The following PIP5K1B variants were observed in gnomAD, a reference collection of about 807,000 sequenced individuals.
PIP5K1B encodes phosphatidylinositol-4-phosphate 5-kinase type 1 beta.
PIP5K1B carries 42 observed loss-of-function variants against 67.0 expected under a neutral mutation model. The observed-to-expected ratio is 0.63, with a 90% CI of 0.49 to 0.81. PIP5K1B has a LOEUF of 0.81. Ranked by LOEUF, PIP5K1B falls within the 30% of genes least tolerant of loss-of-function variation. The probability of loss-of-function intolerance (pLI) is 0.00; values close to 1 mark genes in which losing one functional copy is unlikely to be tolerated. For synonymous variants in PIP5K1B, 214 were observed against 231.4 expected, an observed-to-expected ratio of 0.92 and a Z score of 0.68; for missense variants, 459 against 646.3, an observed-to-expected ratio of 0.71 and a Z score of 3.14.
chr9:68,920,340 G>A, intron 11 of PIP5K1B, among the ~76,000 whole-genome samples: 1 of 146,036 alleles, frequency 6.8e-6, no homozygotes, highest in African/African-American at 2.5e-5. Context: ...ATTTATACAT[G>A]CTGGCTGCCT....
intron 14 of PIP5K1B, among the ~76,000 whole-genome samples, chr9:68,951,381 C>T (rs767115182): frequency 6.6e-6 from 1 of 152,156 alleles, no homozygotes; most frequent in Admixed American, 6.5e-5. Context: ...AAGAATGGTT[C>T]AGACTAAGCA....
intron 1 of PIP5K1B, among the ~76,000 whole-genome samples, chr9:68,730,604 T>C (rs577261068): frequency 6.6e-6 from 1 of 152,210 alleles, no homozygotes; most frequent in Non-Finnish European, 1.5e-5. Context: ...TTAACAGATA[T>C]CACACTTTGA....
chr9:68,738,237 C>T (rs940751046), intron 1 of PIP5K1B, among the ~76,000 whole-genome samples: 1 of 152,166 alleles, frequency 6.6e-6, no homozygotes, highest in Non-Finnish European at 1.5e-5. Flanking sequence ...CAACTAGGTA[C>T]ATTTAACAGA....
chr9:68,728,991 G>A (rs966088783), intron 1 of PIP5K1B: 1 of 152,198 alleles, frequency 6.6e-6, no homozygotes, highest in African/African-American at 2.4e-5. Context: ...AATGGTGATT[G>A]TGAGCCAGGA....
At chr9:68,754,761 GAT>G (rs1222937722) in intron 2 of PIP5K1B, among the ~76,000 whole-genome samples, 2 of 152,134 alleles carry the variant, frequency 1.3e-5, no homozygotes, top group African/African-American at 2.4e-5. Context: ...CTTCTAGAAA[GAT>G]ATTAAAATAA....
At chr9:69,005,569 T>A (rs1445181741) in intron 15 of PIP5K1B, among the ~76,000 whole-genome samples, 1 of 151,616 alleles carries the variant, frequency 6.6e-6, no homozygotes, top group East Asian at 1.9e-4. Context: ...AGAGACGGGG[T>A]TTCTCCATGT....
chr9:68,750,401 A>C (rs1829564681), intron 2 of PIP5K1B, among the ~76,000 whole-genome samples: 1 of 152,200 alleles, frequency 6.6e-6, no homozygotes, highest in Admixed American at 6.5e-5. Flanking sequence ...TCCATCTGTC[A>C]GTGATAGTTC....
At chr9:68,816,646 C>T (rs892106347) in intron 2 of PIP5K1B, among the ~76,000 whole-genome samples, 10 of 152,246 alleles carry the variant, frequency 6.6e-5, no homozygotes, top group Non-Finnish European at 8.8e-5. Flanking sequence ...TATAGGAAAA[C>T]TTAATGTATG....
intron 1 of PIP5K1B, among the ~76,000 whole-genome samples, chr9:68,711,185 C>T (rs1329223100): frequency 6.6e-6 from 1 of 152,228 alleles, no homozygotes; most frequent in East Asian, 1.9e-4. Context: ...AATGTGCTTT[C>T]CTTGCTTCGT....
At chr9:68,850,081 C>T (rs1382438978) in intron 4 of PIP5K1B, among the ~76,000 whole-genome samples, 1 of 152,204 alleles carries the variant, frequency 6.6e-6, no homozygotes, top group East Asian at 1.9e-4. Flanking sequence ...TTACTTGCCT[C>T]TGCAGGGTAT....
chr9:68,924,783 A>C (rs944085368), intron 12 of PIP5K1B, among the ~76,000 whole-genome samples: 3 of 152,140 alleles, frequency 2.0e-5, no homozygotes, highest in African/African-American at 7.2e-5. Flanking sequence ...GGTAATATTT[A>C]TTGGAGATTT....
At chr9:68,707,302 C>T (rs1827170653) in intron 1 of PIP5K1B, among the ~76,000 whole-genome samples, 1 of 152,204 alleles carries the variant, frequency 6.6e-6, no homozygotes, top group East Asian at 1.9e-4. Context: ...TAACACCTTA[C>T]ATTTGCATCA....
chr9:68,796,323 T>C (rs201857170), intron 2 of PIP5K1B, among the ~76,000 whole-genome samples: 1 of 4,486 alleles, frequency 2.2e-4, no homozygotes, highest in Admixed American at 4.9e-3. Context: ...TTTTCCTCAA[T>C]TACAATGTTC....
intron 2 of PIP5K1B, chr9:68,782,139 G>C (rs915583361): frequency 6.0e-6 from 1 of 167,000 alleles, no homozygotes; most frequent in Non-Finnish European, 1.5e-5. Context: ...CACCAAACTA[G>C]GGCACCATTG....
intron 4 of PIP5K1B, among the ~76,000 whole-genome samples, chr9:68,858,923 T>C (rs564004399): frequency 9.9e-5 from 15 of 152,264 alleles, no homozygotes; most frequent in Non-Finnish European, 1.8e-4. Context: ...TTCTAAGAGA[T>C]GGTTTGCTTA....
chr9:68,927,337 G>A (rs1306825802), intron 12 of PIP5K1B, among the ~76,000 whole-genome samples: 2 of 152,150 alleles, frequency 1.3e-5, no homozygotes, highest in African/African-American at 4.8e-5. Context: ...ACATTTTGAG[G>A]AACTGTCAAA....
intron 1 of PIP5K1B, among the ~76,000 whole-genome samples, chr9:68,726,174 A>G (rs924886705): frequency 1.3e-5 from 2 of 152,208 alleles, no homozygotes; most frequent in Non-Finnish European, 1.5e-5. Context: ...GAGGTGATAG[A>G]TATCCCATTT....
intron 5 of PIP5K1B, among the ~76,000 whole-genome samples, chr9:68,871,764 A>G (rs1298031226): frequency 6.6e-6 from 1 of 152,238 alleles, no homozygotes; most frequent in East Asian, 1.9e-4. Context: ...AAATTTGGAA[A>G]TCCAAGGTTG....
intron 5 of PIP5K1B, among the ~76,000 whole-genome samples, chr9:68,874,073 T>C (rs1346966010): frequency 6.6e-6 from 1 of 152,246 alleles, no homozygotes; most frequent in Non-Finnish European, 1.5e-5. Flanking sequence ...GTGTGTAACC[T>C]CAGCAATTAA....
Sources: allele counts gnomAD v4.1 joint callset (sites outside exome capture counted in the v4.1 genomes callset), GRCh38; gene constraint gnomAD v4.1.1; transcripts MANE v1.5; gene names NCBI Gene and HGNC (gene_info 2026-07-23, HGNC 2026-07-21).